TXNDC8: variants seen among roughly 807,000 people sequenced by gnomAD.
TXNDC8 encodes the protein thioredoxin domain containing 8.
Under a neutral mutation model 12.9 loss-of-function variants are expected in TXNDC8, and 15 were observed. The ratio of observed to expected loss-of-function variants is 1.16; its 90% CI spans 0.78 to 1.79. TXNDC8 has a LOEUF of 1.79. Among genes scored for constraint, TXNDC8 ranks in the 40% most tolerant of loss-of-function variants. TXNDC8 has a pLI of 0.00. For missense variants in TXNDC8, 128 were observed against 113.2 expected (o/e 1.13, Z -0.59); for synonymous variants, 40 against 35.4 (o/e 1.13, Z -0.46).
chr9:110,327,255 C>G (rs1306649764), intron 2 of TXNDC8, among the ~76,000 whole-genome samples: 1 of 152,006 alleles, frequency 6.6e-6, no homozygotes, highest in Non-Finnish European at 1.5e-5. Flanking sequence ...AATTCCAATC[C>G]TGGATATATA....
In TXNDC8 at chr9:110,323,675, G is replaced by A. The variant is rs182320112; in HGVS notation, c.195+2500C>T. 2.5e-3 allele frequency: 1,381 copies of A among 551,562 alleles called. 3 individuals are homozygous for A. Among genetic ancestry groups the A allele is most frequent in the Middle Eastern group, 9.6e-3 (17 of 1,778 alleles). 34.2% of individuals were successfully genotyped at this position (551,562 alleles called of 1,614,324 possible). On this transcript the variant is annotated intron_variant, in intron 3 of 4. Transcript: ENST00000423740. ...AAACCAACCCAGAGTTTACATAGCTGAAGAATCTATGGGGATAGTGTAGGC... is the reference window on the plus strand; with the variant it reads ...AAACCAACCCAGAGTTTACATAGCTAAAGAATCTATGGGGATAGTGTAGGC...
intron 3 of TXNDC8, among the ~76,000 whole-genome samples, chr9:110,317,756 A>G (rs561916283): frequency 4.6e-4 from 70 of 152,350 alleles, no homozygotes; most frequent in Non-Finnish European, 9.7e-4. Flanking sequence ...ACTACTTATA[A>G]TAAAGGTGAT....
At chr9:110,319,220 A>G (rs1225244510) in intron 3 of TXNDC8, among the ~76,000 whole-genome samples, 1 of 152,254 alleles carries the variant, frequency 6.6e-6, no homozygotes, top group Non-Finnish European at 1.5e-5. Flanking sequence ...TGTGTAACAC[A>G]ATCCTTGACA....
intron 3 of TXNDC8, among the ~76,000 whole-genome samples, chr9:110,316,308 A>G (rs868120221): frequency 3.3e-5 from 5 of 152,264 alleles, no homozygotes; most frequent in African/African-American, 1.2e-4. Context: ...GAATAAGATG[A>G]AAAGAATATG....
intron 2 of TXNDC8, among the ~76,000 whole-genome samples, chr9:110,327,824 G>T (rs1359629661): frequency 6.6e-6 from 1 of 152,044 alleles, no homozygotes. Context: ...ACTACTAAAG[G>T]GTACAGTGTT....
At chr9:110,303,123 G>T (rs1164019121), downstream of TXNDC8, among the ~76,000 whole-genome samples, 1 of 152,176 alleles carries the variant, frequency 6.6e-6, no homozygotes, top group Non-Finnish European at 1.5e-5. Context: ...TTAATCGGGG[G>T]AGGCTTTCAT....
At chr9:110,306,541 G>A (rs1397730813) in intron 3 of TXNDC8, among the ~76,000 whole-genome samples, 1 of 152,060 alleles carries the variant, frequency 6.6e-6, no homozygotes, top group East Asian at 1.9e-4. Flanking sequence ...CCTCCCTGTT[G>A]CTCCTTGCCA....
intron 3 of TXNDC8, among the ~76,000 whole-genome samples, chr9:110,305,680 C>T (rs1564093016): frequency 1.4e-5 from 2 of 138,124 alleles, no homozygotes. Context: ...CTTTCTTACT[C>T]TCTTTCTTTC....
chr9:110,331,172 C>G (rs1839529894), intron 2 of TXNDC8, among the ~76,000 whole-genome samples: 1 of 152,168 alleles, frequency 6.6e-6, no homozygotes, highest in African/African-American at 2.4e-5. Flanking sequence ...GAGACAGAAG[C>G]TATTTTCTTC....
intron 1 of TXNDC8, among the ~76,000 whole-genome samples, chr9:110,336,579 G>T (rs1205393899): frequency 1.3e-5 from 2 of 152,100 alleles, no homozygotes; most frequent in Non-Finnish European, 2.9e-5. Context: ...TATGCGTATT[G>T]AGGCCTATAC....
chr9:110,303,119 G>A (rs965365095), downstream of TXNDC8, among the ~76,000 whole-genome samples: 3 of 152,070 alleles, frequency 2.0e-5, no homozygotes, highest in Non-Finnish European at 4.4e-5. Context: ...TGGCTTAATC[G>A]GGGGAGGCTT....
intron 3 of TXNDC8, among the ~76,000 whole-genome samples, chr9:110,321,656 C>T (rs1279957901): frequency 6.7e-6 from 1 of 149,038 alleles, no homozygotes; most frequent in Non-Finnish European, 1.5e-5. Flanking sequence ...CAAAAAAGTG[C>T]ATTTGATTTT....
At chr9:110,326,329 T>C (rs952811729) in intron 2 of TXNDC8, 89 bp from the exon 4 acceptor site, 1 of 1,364,254 alleles carries the variant, frequency 7.3e-7, no homozygotes, top group Non-Finnish European at 1.0e-6. Flanking sequence ...TTAGGAGGCG[T>C]GTCTGAAATT....
chr9:110,303,681 CCTA>C lies in TXNDC8; in HGVS notation c.286_288del (p.Ter96delextTer22). On this transcript the variant is annotated stop_lost and inframe_deletion, in exon 5 of 5. Transcript: ENST00000423740. ...TTTATTCCTGATTGAAAAGTTAAAT[CCTA>C]CTCATTTCCATCATCTGCAAGACAC... The C allele has an allele frequency of 6.2e-7, 1 of 1,601,258 alleles. No individual in the cohort carries two copies. Among genetic ancestry groups the C allele is most frequent in the Non-Finnish European group, 8.5e-7 (1 of 1,172,570 alleles).
chr9:110,330,032 T>C (rs1232646536), intron 2 of TXNDC8, among the ~76,000 whole-genome samples: 1 of 152,144 alleles, frequency 6.6e-6, no homozygotes, highest in East Asian at 1.9e-4. Context: ...GAAGAGGAAG[T>C]GGCAGCAGCC....
intron 2 of TXNDC8, among the ~76,000 whole-genome samples, chr9:110,327,466 G>A (rs1839375746): frequency 1.3e-5 from 2 of 151,800 alleles, no homozygotes; most frequent in Non-Finnish European, 2.9e-5. Context: ...GGGATTACAG[G>A]TGTGCATCAT....
chr9:110,334,272 C>T lies in TXNDC8; in HGVS notation c.73G>A (p.Val25Ile). Residue 25 changes from valine (V) to isoleucine (I), a missense_variant, in exon 2 of 5, where the codon GTT (valine) becomes ATT (isoleucine). Transcript: ENST00000423740. ...CCACACCGTTTCGAAGAAAATTGAA[C>T]CACTGCGAGTTTGTGTCCGGCAGCT... 1.9e-6 allele frequency: 3 copies of T among 1,613,900 alleles called. No homozygotes were observed. The highest frequency in any genetic ancestry group is 2.5e-6 in the Non-Finnish European group (3 of 1,179,824).
intron 3 of TXNDC8, among the ~76,000 whole-genome samples, chr9:110,321,492 GAC>G (rs1839089441): frequency 6.6e-6 from 1 of 152,164 alleles, no homozygotes; most frequent in Non-Finnish European, 1.5e-5. Flanking sequence ...AGAAATGTAA[GAC>G]ATTTCTTGTA....
intron 3 of TXNDC8, among the ~76,000 whole-genome samples, chr9:110,321,210 T>C (rs1404712535): frequency 6.6e-6 from 1 of 152,124 alleles, no homozygotes; most frequent in Non-Finnish European, 1.5e-5. Context: ...TGGGGGTGGC[T>C]GATAGGGAGT....
Sources: allele counts gnomAD v4.1 joint callset (sites outside exome capture counted in the v4.1 genomes callset), GRCh38; gene constraint gnomAD v4.1.1; transcripts MANE v1.5; gene names NCBI Gene and HGNC (gene_info 2026-07-23, HGNC 2026-07-21).